The following BMPR1B variants were observed in gnomAD, a reference collection of about 807,000 sequenced individuals.
BMPR1B encodes bone morphogenetic protein receptor type-1B.
BMPR1B carries 12 observed loss-of-function variants against 59.1 expected under a neutral mutation model. The ratio of observed to expected loss-of-function variants is 0.20; its 90% CI spans 0.13 to 0.33. BMPR1B has a LOEUF of 0.33. BMPR1B is among the 10% of genes least tolerant of loss of function. The pLI is 1.00. For synonymous variants in BMPR1B, 237 were observed against 207.3 expected (o/e 1.14, Z -1.23); for missense variants, 550 against 610.9 (o/e 0.90, Z 1.05).
At chr4:95,108,465 A>C (rs1217777075) in intron 4 of BMPR1B, among the ~76,000 whole-genome samples, 1 of 152,082 alleles carries the variant, frequency 6.6e-6, no homozygotes, top group South Asian at 2.1e-4. Context: ...AGAATAATCC[A>C]AAAGGAGGCA....
chr4:94,803,277 A>G (rs1464282150), intron 1 of BMPR1B, among the ~76,000 whole-genome samples: 1 of 152,170 alleles, frequency 6.6e-6, no homozygotes, highest in East Asian at 1.9e-4. Flanking sequence ...GCTTCCTGGC[A>G]AGATTTTTAG....
At chr4:95,036,874 G>A (rs35888953) in intron 3 of BMPR1B, among the ~76,000 whole-genome samples, 40,602 of 151,656 alleles carry the variant, frequency 0.27, 6,352 homozygotes, top group South Asian at 0.42. Flanking sequence ...CATCCTTGTC[G>A]GCATTTGTTA....
At chr4:95,096,776 T>C (rs1243504482) in intron 3 of BMPR1B, among the ~76,000 whole-genome samples, 2 of 137,924 alleles carry the variant, frequency 1.5e-5, no homozygotes, top group South Asian at 2.2e-4. Flanking sequence ...TATGTATAGT[T>C]ATATATAACT....
intron 8 of BMPR1B, among the ~76,000 whole-genome samples, chr4:95,129,378 T>A (rs562209861): frequency 6.6e-6 from 1 of 151,996 alleles, no homozygotes; most frequent in Non-Finnish European, 1.5e-5. Flanking sequence ...CTTCCTTCCC[T>A]CCCTCCTTCC....
At chr4:95,095,008 C>T (rs1730259532) in intron 3 of BMPR1B, among the ~76,000 whole-genome samples, 1 of 151,534 alleles carries the variant, frequency 6.6e-6, no homozygotes, top group Non-Finnish European at 1.5e-5. Context: ...GGCATATGTC[C>T]CAACTTTTTA....
intron 1 of BMPR1B, among the ~76,000 whole-genome samples, chr4:94,865,849 C>G (rs777503162): frequency 6.6e-6 from 1 of 151,080 alleles, no homozygotes; most frequent in Non-Finnish European, 1.5e-5. Context: ...ATTTTTTTTT[C>G]GAGATGATGG....
Position 95,154,897 on chromosome 4 carries a change from T to C in BMPR1B, c.*224T>C. On this transcript the variant is annotated 3_prime_UTR_variant, in exon 13 of 13. Transcript: ENST00000515059. Reference sequence around the variant, plus strand: ...TCTGTTTGTAGGACGGAGAAACCGCTTGGGTAACTTGTTCAAGATATGATG... The same window carrying C: ...TCTGTTTGTAGGACGGAGAAACCGCCTGGGTAACTTGTTCAAGATATGATG... 1.8e-6 allele frequency: 1 copy of C among 556,322 alleles called. No homozygotes were observed. The highest frequency in any genetic ancestry group is 2.1e-5 in the South Asian group (1 of 46,978). 34.5% of individuals were successfully genotyped at this position (556,322 alleles called of 1,614,324 possible).
intron 2 of BMPR1B, among the ~76,000 whole-genome samples, chr4:94,881,325 G>A (rs1365094544): frequency 6.6e-6 from 1 of 152,106 alleles, no homozygotes; most frequent in Non-Finnish European, 1.5e-5. Context: ...TTAGAAGCAT[G>A]TTTCTTGTTT....
rs557516381 is a variant in BMPR1B, at chr4:95,152,881, G to T, written c.1383+108G>T. On this transcript the variant is annotated intron_variant, in intron 12 of 12. Coordinates refer to ENST00000515059, the MANE Select transcript of BMPR1B (RefSeq NM_001203.3). ...TAGGAATTCTTCTTTTTTTGATGGT[G>T]ATGGTGATGGCGCCTCATTGCAGTA... The T allele has an allele frequency of 9.2e-5, 125 of 1,363,262 alleles. 1 individual carries two copies. The highest frequency in any genetic ancestry group is 8.3e-4 in the South Asian group (66 of 79,430). 84.4% of individuals were successfully genotyped at this position (1,363,262 alleles called of 1,614,324 possible).
At chr4:95,107,085 A>G (rs999429637) in intron 4 of BMPR1B, among the ~76,000 whole-genome samples, 3 of 152,038 alleles carry the variant, frequency 2.0e-5, no homozygotes, top group Admixed American at 1.3e-4. Context: ...AAGGGGAAGC[A>G]TTGTCCCTGG....
intron 1 of BMPR1B, among the ~76,000 whole-genome samples, chr4:94,849,999 G>A (rs1295639876): frequency 6.6e-6 from 1 of 152,038 alleles, no homozygotes; most frequent in Non-Finnish European, 1.5e-5. Flanking sequence ...GTGCTTACAG[G>A]ATTGCCTCAG....
chr4:95,013,790 T>C (rs1435272728), intron 3 of BMPR1B, among the ~76,000 whole-genome samples: 1 of 152,190 alleles, frequency 6.6e-6, no homozygotes, highest in African/African-American at 2.4e-5. Flanking sequence ...TTATTATATG[T>C]TTGCTTTATG....
At chr4:94,782,312 T>TA (rs1379778986) in intron 1 of BMPR1B, among the ~76,000 whole-genome samples, 1 of 130,004 alleles carries the variant, frequency 7.7e-6, no homozygotes, top group African/African-American at 3.1e-5. Context: ...ATTATACTTT[T>TA]AATTTTTTAA....
chr4:95,139,128 C>T (rs890722405), intron 10 of BMPR1B, among the ~76,000 whole-genome samples: 2 of 152,188 alleles, frequency 1.3e-5, no homozygotes, highest in Non-Finnish European at 2.9e-5. Context: ...AGTTTTCCTT[C>T]TAACAGTCAG....
In BMPR1B at chr4:94,876,298, C is replaced by T. The variant is rs17022422; in HGVS notation, c.-113+398C>T. Among the ~76,000 whole-genome samples, 628 of 152,254 alleles carry T rather than the reference C, an allele frequency of 4.1e-3. 7 individuals are homozygous for T. The highest frequency in any genetic ancestry group is 0.014 in the African/African-American group (594 of 41,554). On this transcript the variant is annotated intron_variant, in intron 2 of 12. Coordinates refer to ENST00000515059, the MANE Select transcript of BMPR1B (RefSeq NM_001203.3). ...ACATTATGCCATTTTAAAGCAAATC[C>T]ATCCATTATACTTTTCATGCTGATA...
At chr4:95,043,212 G>C (rs887102126) in intron 3 of BMPR1B, among the ~76,000 whole-genome samples, 31 of 53,722 alleles carry the variant, frequency 5.8e-4, no homozygotes, top group African/African-American at 2.3e-3. Context: ...AAAAAAAAAA[G>C]AATTACCTCA....
At chr4:95,002,998 A>G (rs753594241) in intron 3 of BMPR1B, among the ~76,000 whole-genome samples, 37 of 151,654 alleles carry the variant, frequency 2.4e-4, no homozygotes, top group Non-Finnish European at 4.7e-4. Flanking sequence ...CCTTTATTTA[A>G]AAAAAAATTA....
At chr4:94,857,819 A>G (rs1028607738) in intron 1 of BMPR1B, among the ~76,000 whole-genome samples, 9 of 152,262 alleles carry the variant, frequency 5.9e-5, no homozygotes, top group African/African-American at 1.9e-4. Flanking sequence ...ATAGATACTA[A>G]TATCTCCCAG....
At chr4:94,920,094 A>G (rs1268272032) in intron 2 of BMPR1B, among the ~76,000 whole-genome samples, 1 of 152,144 alleles carries the variant, frequency 6.6e-6, no homozygotes, top group Admixed American at 6.6e-5. Context: ...AGTGCTTTAT[A>G]TGATATTTAA....
Sources: allele counts gnomAD v4.1 joint callset (sites outside exome capture counted in the v4.1 genomes callset), GRCh38; gene constraint gnomAD v4.1.1; transcripts MANE v1.5; gene names NCBI Gene and HGNC (gene_info 2026-07-23, HGNC 2026-07-21).